The following NRAS variants were observed in gnomAD, a reference collection of about 807,000 sequenced individuals.
NRAS encodes NRAS proto-oncogene, GTPase, also known as GTPase NRas.
A neutral mutation model predicts 21.3 loss-of-function variants in NRAS; 6 were observed. The observed-to-expected ratio is 0.28, with a 90% CI of 0.15 to 0.56. NRAS has a LOEUF of 0.56. Among genes scored for constraint, NRAS ranks in the 20% least tolerant of loss-of-function variants. The probability of loss-of-function intolerance (pLI) is 0.93; values close to 1 mark genes in which losing one functional copy is unlikely to be tolerated. For synonymous variants in NRAS, 84 were observed against 82.0 expected (o/e 1.02, Z -0.13); for missense variants, 143 against 231.3 (o/e 0.62, Z 2.48).
At chr1:114,711,656 G>T (rs937959864) in intron 3 of NRAS, among the ~76,000 whole-genome samples, 1 of 150,896 alleles carries the variant, frequency 6.6e-6, no homozygotes, top group Non-Finnish European at 1.5e-5. Context: ...ACAAAACATT[G>T]TATCTGGAAG....
At chr1:114,708,460 C>A (rs945098081) in intron 5 of NRAS, 71 bp downstream of exon 5, 1 of 1,390,406 alleles carries the variant, frequency 7.2e-7, no homozygotes, top group African/African-American at 1.4e-5. Flanking sequence ...GACAATAACA[C>A]CAGCACTCCT....
In NRAS at chr1:114,706,216, G is replaced by A. The variant is rs1196568638; in HGVS notation, c.*1878C>T. 1 of 152,164 alleles carries A rather than the reference G, an allele frequency of 6.6e-6. No homozygotes were observed. The highest frequency in any genetic ancestry group is 1.5e-5 in the Non-Finnish European group (1 of 68,024). 9.4% of individuals were successfully genotyped at this position (152,164 alleles called of 1,614,324 possible). ...TCTCTTCTGAATTTCAAGGTAATAT[G>A]ACATTTGCTTAATAAATGAAAATTC... On this transcript the variant is annotated 3_prime_UTR_variant, in exon 7 of 7. Transcript: ENST00000369535.
intron 2 of NRAS, among the ~76,000 whole-genome samples, chr1:114,714,287 C>T (rs901609243): frequency 2.6e-5 from 4 of 152,218 alleles, no homozygotes; most frequent in Admixed American, 6.5e-5. Context: ...AGCCAGGAGG[C>T]TACAGATTAA....
chr1:114,709,768 A>T, intron 3 of NRAS, 40 bp from the exon 4 acceptor site: 1 of 1,564,318 alleles, frequency 6.4e-7, no homozygotes, highest in Non-Finnish European at 8.8e-7. Context: ...AAGAAAAACA[A>T]GATTAGGCTG....
In NRAS at chr1:114,707,685, A is replaced by G. The variant is rs1212513004; in HGVS notation, c.*409T>C. ...TAGTTCTAAGTTCAACAGTAAAAAG[A>G]AAAAAAAAATCACCAGCAGTTGCTA... On this transcript the variant is annotated 3_prime_UTR_variant, in exon 7 of 7. Coordinates refer to ENST00000369535, the MANE Select transcript of NRAS (RefSeq NM_002524.5). 1 of 151,094 alleles carries G rather than the reference A, an allele frequency of 6.6e-6. No homozygotes were observed. Among genetic ancestry groups the G allele is most frequent in the African/African-American group, 2.4e-5 (1 of 41,014 alleles). The allele number at this position is 151,094 out of a possible 1,614,324, so 9.4% of individuals were successfully genotyped here. A position where few individuals can be genotyped will look rare whatever the true frequency, so the allele number is the denominator to read the frequency against.
rs1325807249 is a variant in NRAS at position 114,707,949 on chromosome 1, C to T, written c.*145G>A. On this transcript the variant is annotated 3_prime_UTR_variant, in exon 7 of 7. Transcript: ENST00000369535. ...CTCAAATAGAGATTATTGTACTAAACTACTGAGAGCTGGGGAAGTAGCAGG... is the reference window on the plus strand; with the variant it reads ...CTCAAATAGAGATTATTGTACTAAATTACTGAGAGCTGGGGAAGTAGCAGG... The T allele has an allele frequency of 6.3e-6, 1 of 157,828 alleles. No individual in the cohort carries two copies. The highest frequency in any genetic ancestry group is 2.4e-5 in the African/African-American group (1 of 41,462). 9.8% of individuals were successfully genotyped at this position (157,828 alleles called of 1,614,324 possible).
chr1:114,716,267 T>G, intron 1 of NRAS, 90 bp from the exon 2 acceptor site: 1 of 821,950 alleles, frequency 1.2e-6, no homozygotes, highest in Non-Finnish European at 2.2e-6. Context: ...AAAACCCTAG[T>G]GTGACCTTCC....
chr1:114,709,465 GA>G (rs869069547), intron 4 of NRAS, 103 bp downstream of exon 4: 12 of 979,038 alleles, frequency 1.2e-5, no homozygotes, highest in Non-Finnish European at 1.9e-5. Context: ...AAATAAAAAT[GA>G]AAAAAATGCA....
intron 1 of NRAS, among the ~76,000 whole-genome samples, 156 bp downstream of exon 1, chr1:114,716,502 T>A (rs9724617): frequency 1.3e-5 from 2 of 152,112 alleles, no homozygotes; most frequent in Non-Finnish European, 2.9e-5. Context: ...TTCTCCCTTC[T>A]GTCTCCAAAG....
rs1658936386 is a variant in NRAS at position 114,707,147 on chromosome 1, T to A, written c.*947A>T. The A allele has an allele frequency of 6.6e-6, 1 of 152,558 alleles. No homozygotes were observed. Among genetic ancestry groups the A allele is most frequent in the African/African-American group, 2.4e-5 (1 of 41,434 alleles). 9.5% of individuals were successfully genotyped at this position (152,558 alleles called of 1,614,324 possible). The stretch of plus-strand genomic sequence containing the variant: ...TTATCAGTAAGCTAGGGGAAACAAA[T>A]TACATACATTGTATAGGTAGTAACC... On this transcript the variant is annotated 3_prime_UTR_variant, in exon 7 of 7. Coordinates refer to ENST00000369535, the MANE Select transcript of NRAS (RefSeq NM_002524.5).
intron 4 of NRAS, among the ~76,000 whole-genome samples, chr1:114,708,877 CAAAT>C (rs1658975583): frequency 6.6e-6 from 1 of 152,084 alleles, no homozygotes; most frequent in South Asian, 2.1e-4. Context: ...CACATTTTGC[CAAAT>C]AAACATTCAT....
At position 114,706,767 on chromosome 1, in the gene NRAS, A is replaced by G. The variant is rs1018556629; in HGVS notation, c.*1327T>C. On this transcript the variant is annotated 3_prime_UTR_variant, in exon 7 of 7. Coordinates refer to ENST00000369535, the MANE Select transcript of NRAS (RefSeq NM_002524.5). ...TACTGGTGCAATGAGCAAATGCAGA[A>G]GAATTTCTTTCTCTGTGATGCTAAC... 1 of 152,244 alleles carries G rather than the reference A, an allele frequency of 6.6e-6. No homozygotes were observed. Among genetic ancestry groups the G allele is most frequent in the African/African-American group, 2.4e-5 (1 of 41,480 alleles). 9.4% of individuals were successfully genotyped at this position (152,244 alleles called of 1,614,324 possible).
rs769226183 is a variant in NRAS, at chr1:114,716,116, C to G, written c.45G>C (p.Gly15=). Residue 15 remains glycine, a synonymous_variant, in exon 2 of 7, where the codon GGG becomes GGC. Transcript: ENST00000369535. The part of the protein sequence containing the change: ...KLVVVGAGGV[G]KSALTIQLIQ... The stretch of plus-strand genomic sequence containing the variant: ...TTAGCTGGATTGTCAGTGCGCTTTT[C>G]CCAACACCACCTGCTCCAACCACCA... 1.9e-6 allele frequency: 3 copies of G among 1,614,016 alleles called. No homozygotes were observed. Among genetic ancestry groups the G allele is most frequent in the Non-Finnish European group, 2.5e-6 (3 of 1,179,930 alleles).
chr1:114,711,275 T>G (rs1373562620), intron 3 of NRAS, among the ~76,000 whole-genome samples: 1 of 152,028 alleles, frequency 6.6e-6, no homozygotes, highest in Non-Finnish European at 1.5e-5. Flanking sequence ...CACTCTGGCT[T>G]GGGCAACAGA....
In NRAS at chr1:114,713,862, T is replaced by C. The variant is rs766379874; in HGVS notation, c.228A>G (p.Glu76=). 1.1e-5 allele frequency: 17 copies of C among 1,613,894 alleles called. 1 individual carries two copies. The South Asian group carries it at 1.9e-4, about 18-fold the overall frequency. Residue 76 remains glutamate, a synonymous_variant, in exon 3 of 7, where the codon GAA becomes GAG. Transcript: ENST00000369535. The part of the protein sequence containing the change: ...AMRDQYMRTG[E]GFLCVFAINN... ...TGATGGCAAATACACAGAGGAAGCC[T>C]TCGCCTGTCCTCATGTATTGGTCTC...
rs1230834644 is a variant in NRAS, at chr1:114,705,612, T to C, written c.*2482A>G. 6.6e-6 allele frequency: 1 copy of C among 152,200 alleles called. No homozygotes were observed. The highest frequency in any genetic ancestry group is 1.5e-5 in the Non-Finnish European group (1 of 68,044). 9.4% of individuals were successfully genotyped at this position (152,200 alleles called of 1,614,324 possible). ...AGTTTGTCACTCCTTTGTGCCAAAA[T>C]TCACACCTAGGTGTAACTTTTTTTT... On this transcript the variant is annotated 3_prime_UTR_variant, in exon 7 of 7. Transcript: ENST00000369535.
chr1:114,709,998 C>A (rs1402077259), intron 3 of NRAS, among the ~76,000 whole-genome samples: 1 of 151,712 alleles, frequency 6.6e-6, no homozygotes, highest in Admixed American at 6.6e-5. Flanking sequence ...GAAGACCAGC[C>A]TGGCCAATAT....
chr1:114,707,555 C>A lies in NRAS; in HGVS notation c.*539G>T, dbSNP rs1267940060. ...TGTATTTATGAATCTAGAGCAGATG[C>A]CAGTTTAGAGAATAGAGCCGATAAC... is the stretch of plus-strand genomic sequence containing the variant. On this transcript the variant is annotated 3_prime_UTR_variant, in exon 7 of 7. Transcript: ENST00000369535. The A allele has an allele frequency of 1.3e-5, 2 of 152,410 alleles. No individual in the cohort carries two copies. Among genetic ancestry groups the A allele is most frequent in the Non-Finnish European group, 2.9e-5 (2 of 68,010 alleles). The allele number at this position is 152,410 out of a possible 1,614,324, so 9.4% of individuals were successfully genotyped here.
At chr1:114,713,325 T>C (rs9724629) in intron 3 of NRAS, among the ~76,000 whole-genome samples, 128 of 152,074 alleles carry the variant, frequency 8.4e-4, no homozygotes, top group African/African-American at 2.8e-3. Flanking sequence ...GTGTGACTAA[T>C]TTTTTTATTT....
Sources: allele counts gnomAD v4.1 joint callset (sites outside exome capture counted in the v4.1 genomes callset), GRCh38; gene constraint gnomAD v4.1.1; transcripts MANE v1.5; gene names NCBI Gene and HGNC (gene_info 2026-07-23, HGNC 2026-07-21).